Variants in SBF2 observed in about 807,000 individuals in gnomAD.
SBF2 encodes the protein myotubularin-related protein 13.
A neutral mutation model predicts 225.2 loss-of-function variants in SBF2; 112 were observed. The ratio of observed to expected loss-of-function variants is 0.50; its 90% CI spans 0.43 to 0.58. The LOEUF is 0.58. SBF2 is among the 20% of genes least tolerant of loss of function. The pLI is 0.00. For synonymous variants in SBF2, 763 were observed against 773.3 expected, an observed-to-expected ratio of 0.99 and a Z score of 0.22; for missense variants, 1,996 against 2,206.2, an observed-to-expected ratio of 0.90 and a Z score of 1.91.
At chr11:10,087,461 G>C (rs762571226) in intron 2 of SBF2, among the ~76,000 whole-genome samples, 4 of 152,124 alleles carry the variant, frequency 2.6e-5, no homozygotes, top group Non-Finnish European at 5.9e-5. Flanking sequence ...TCTCAGAAAG[G>C]CTGCATTAAG....
intron 1 of SBF2, among the ~76,000 whole-genome samples, chr11:10,198,747 C>G (rs982719610): frequency 2.0e-5 from 3 of 152,230 alleles, no homozygotes; most frequent in Non-Finnish European, 4.4e-5. Flanking sequence ...CTTGCAGCAG[C>G]TTCTACATAA....
chr11:10,272,351 C>T (rs1246210943), intron 1 of SBF2: 3 of 607,242 alleles, frequency 4.9e-6, no homozygotes, highest in Non-Finnish European at 8.1e-6. Context: ...TACTTACTTG[C>T]TAGTTACCAG....
chr11:9,863,401 G>A (rs1159801400), intron 17 of SBF2, among the ~76,000 whole-genome samples: 2 of 152,198 alleles, frequency 1.3e-5, no homozygotes. Flanking sequence ...CTAGCTGGCA[G>A]GTCTTTTCCA....
At chr11:10,133,158 T>C (rs923237860) in intron 2 of SBF2, among the ~76,000 whole-genome samples, 2 of 149,208 alleles carry the variant, frequency 1.3e-5, no homozygotes, top group Non-Finnish European at 3.0e-5. Flanking sequence ...AAACACAGGG[T>C]GCTGATTGGT....
At chr11:10,096,931 A>T (rs1168562303) in intron 2 of SBF2, among the ~76,000 whole-genome samples, 1 of 152,216 alleles carries the variant, frequency 6.6e-6, no homozygotes, top group East Asian at 1.9e-4. Context: ...ATAAAGGATG[A>T]ATAAAGAAAT....
At chr11:9,943,324 G>A (rs953642107) in intron 16 of SBF2, among the ~76,000 whole-genome samples, 4 of 152,038 alleles carry the variant, frequency 2.6e-5, no homozygotes, top group African/African-American at 9.7e-5. Context: ...TGATAGTGAA[G>A]GATTTCTTAC....
intron 28 of SBF2, among the ~76,000 whole-genome samples, chr11:9,823,294 A>G (rs1251098830): frequency 6.6e-6 from 1 of 152,192 alleles, no homozygotes; most frequent in African/African-American, 2.4e-5. Context: ...ACTCACCAAC[A>G]TGCATGCTGA....
rs1853941764 is a variant in SBF2 at position 9,807,894 on chromosome 11, G to C, written c.4443+106C>G. ...GCATGTCCTGTGGCTGAGTTAATCAGAGTTATGACAGGAAGGTACCGGGCA... is the reference window on the plus strand; with the variant it reads ...GCATGTCCTGTGGCTGAGTTAATCACAGTTATGACAGGAAGGTACCGGGCA... On this transcript the variant is annotated intron_variant, in intron 32 of 39. Coordinates refer to ENST00000256190, the MANE Select transcript of SBF2 (RefSeq NM_030962.4). 5.0e-6 allele frequency: 5 copies of C among 1,002,432 alleles called. No individual in the cohort carries two copies. The Admixed American group carries it at 5.9e-5, about 12-fold the overall frequency. 62.1% of individuals were successfully genotyped at this position (1,002,432 alleles called of 1,614,324 possible).
At chr11:9,877,617 A>G (rs755060542) in intron 17 of SBF2, among the ~76,000 whole-genome samples, 4 of 152,190 alleles carry the variant, frequency 2.6e-5, no homozygotes, top group African/African-American at 9.6e-5. Context: ...TCACTGTTCA[A>G]TCCTCACCTA....
chr11:9,949,311 A>G (rs1371830609), intron 16 of SBF2, among the ~76,000 whole-genome samples: 2 of 152,134 alleles, frequency 1.3e-5, no homozygotes, highest in Non-Finnish European at 2.9e-5. Flanking sequence ...CTGATTTTCT[A>G]TCTAAAAATA....
chr11:9,820,818 A>G (rs1407054750), intron 28 of SBF2, among the ~76,000 whole-genome samples: 2 of 152,240 alleles, frequency 1.3e-5, no homozygotes, highest in Non-Finnish European at 2.9e-5. Context: ...TCACTACGTC[A>G]AAAGGAAAAA....
intron 16 of SBF2, among the ~76,000 whole-genome samples, chr11:9,927,185 C>T (rs60091309): frequency 6.6e-5 from 10 of 152,042 alleles, no homozygotes; most frequent in South Asian, 2.1e-4. Context: ...TGCTAAATAC[C>T]TCTTACAAAA....
At chr11:10,148,635 C>T (rs985466150) in intron 2 of SBF2, among the ~76,000 whole-genome samples, 3 of 151,954 alleles carry the variant, frequency 2.0e-5, no homozygotes, top group African/African-American at 7.3e-5. Flanking sequence ...ATGTAGATGT[C>T]GCTCTCCATG....
rs371595326 is a variant in SBF2, at chr11:9,998,259, G to A, written c.975+7C>T. On this transcript the variant is annotated splice_region_variant and intron_variant, in intron 9 of 39. Coordinates refer to ENST00000256190, the MANE Select transcript of SBF2 (RefSeq NM_030962.4). ...GAGAAAGTTACTATTACAAAAATAT[G>A]TCATACCAAAGAAAGAGCTGATTGA... The A allele has an allele frequency of 6.8e-7, 1 of 1,478,846 alleles. No homozygotes were observed. Among genetic ancestry groups the A allele is most frequent in the African/African-American group, 1.4e-5 (1 of 72,148 alleles). The allele number at this position is 1,478,846 out of a possible 1,614,324, so 91.6% of individuals were successfully genotyped here.
chr11:10,061,758 C>T (rs994490739), intron 2 of SBF2, among the ~76,000 whole-genome samples: 1 of 152,192 alleles, frequency 6.6e-6, no homozygotes, highest in Non-Finnish European at 1.5e-5. Flanking sequence ...ATTAAAATGG[C>T]TACCTTGCCC....
intron 2 of SBF2, among the ~76,000 whole-genome samples, chr11:10,061,450 C>G (rs960360715): frequency 6.6e-6 from 1 of 152,174 alleles, no homozygotes; most frequent in Non-Finnish European, 1.5e-5. Context: ...ACCCCAGGCT[C>G]AGCCCAAAAG....
chr11:9,873,205 C>CA (rs56013344), intron 17 of SBF2, among the ~76,000 whole-genome samples: 18,591 of 60,734 alleles, frequency 0.31, 4,345 homozygotes, highest in Non-Finnish European at 0.33. Context: ...GACTCTGTCT[C>CA]AAAAAAAAAA....
chr11:10,141,631 A>C (rs1242571763), intron 2 of SBF2, among the ~76,000 whole-genome samples: 1 of 152,186 alleles, frequency 6.6e-6, no homozygotes, highest in Non-Finnish European at 1.5e-5. Context: ...ATGCTGCTTG[A>C]TAAACTACCA....
chr11:10,091,800 A>T (rs1342335549), intron 2 of SBF2, among the ~76,000 whole-genome samples: 1 of 152,194 alleles, frequency 6.6e-6, no homozygotes, highest in Non-Finnish European at 1.5e-5. Flanking sequence ...TTTCCTGCAC[A>T]AGGAGATAAA....
Sources: gnomAD v4.1 joint callset for allele counts (sites outside exome capture counted in the v4.1 genomes callset) on GRCh38, gnomAD v4.1.1 for gene constraint, MANE v1.5 for transcripts, NCBI Gene and HGNC (gene_info 2026-07-23, HGNC 2026-07-21) for gene names.